Variants in PAPSS1 observed in about 807,000 individuals in gnomAD.
PAPSS1 encodes 3'-phosphoadenosine 5'-phosphosulfate synthase 1.
In PAPSS1, 50 loss-of-function variants were observed where a neutral mutation model predicts 72.0. That is an observed-to-expected ratio of 0.69 (90% CI 0.55 to 0.88). PAPSS1 has a LOEUF of 0.88. Among genes scored for constraint, PAPSS1 ranks in the 40% least tolerant of loss-of-function variants. The pLI is 0.00. For synonymous variants in PAPSS1, 261 were observed against 263.6 expected, an observed-to-expected ratio of 0.99 and a Z score of 0.09; for missense variants, 657 against 782.2, an observed-to-expected ratio of 0.84 and a Z score of 1.91.
At chr4:107,645,962 C>A (rs1381949631) in intron 9 of PAPSS1, among the ~76,000 whole-genome samples, 8 of 152,160 alleles carry the variant, frequency 5.3e-5, no homozygotes, top group Non-Finnish European at 1.2e-4. Flanking sequence ...ACTGTGGCAT[C>A]CTACTTAACT....
At chr4:107,633,415 A>C (rs1430391696) in intron 10 of PAPSS1, among the ~76,000 whole-genome samples, 1 of 152,206 alleles carries the variant, frequency 6.6e-6, no homozygotes, top group Non-Finnish European at 1.5e-5. Flanking sequence ...TGTTTTTCCT[A>C]GAGTTAATGA....
At position 107,709,511 on chromosome 4, in the gene PAPSS1, G is replaced by A. The variant is rs1297490266; in HGVS notation, c.61-8226C>T. Among the ~76,000 whole-genome samples the A allele has an allele frequency of 2.6e-5, 4 of 152,194 alleles. No homozygotes were observed. The East Asian group carries it at 7.7e-4, about 29-fold the overall frequency. On this transcript the variant is annotated intron_variant, in intron 1 of 11. Coordinates refer to ENST00000265174, the MANE Select transcript of PAPSS1 (RefSeq NM_005443.5). The stretch of plus-strand genomic sequence containing the variant: ...CCAGGTTAGGAGATGAGAGGAGCCT[G>A]AATCCTCCCAAGGTGTAAACATAAA...
At chr4:107,698,719 C>T (rs1723134968) in intron 2 of PAPSS1, among the ~76,000 whole-genome samples, 1 of 152,150 alleles carries the variant, frequency 6.6e-6, no homozygotes, top group Admixed American at 6.5e-5. Flanking sequence ...TTAAAAATTT[C>T]AAAGGAACCT....
At chr4:107,641,748 G>A (rs1726550484) in intron 10 of PAPSS1, among the ~76,000 whole-genome samples, 3 of 152,138 alleles carry the variant, frequency 2.0e-5, no homozygotes, top group African/African-American at 4.8e-5. Flanking sequence ...TAGGACACAC[G>A]CTCTGACATG....
chr4:107,687,985 A>T (rs1405879302), intron 3 of PAPSS1, among the ~76,000 whole-genome samples: 1 of 151,978 alleles, frequency 6.6e-6, no homozygotes, highest in African/African-American at 2.4e-5. Flanking sequence ...CAAAAAAAAA[A>T]AAAAAACAAA....
At chr4:107,703,800 T>C (rs572829935) in intron 1 of PAPSS1, among the ~76,000 whole-genome samples, 10 of 152,350 alleles carry the variant, frequency 6.6e-5, no homozygotes, top group South Asian at 4.1e-4. Flanking sequence ...TCCCGCTTTG[T>C]TATCTTTGCT....
chr4:107,705,488 C>T lies in PAPSS1; in HGVS notation c.61-4203G>A, dbSNP rs1412623370. ...CGCCATGATTATAAGTTTCCTGGGG[C>T]GTCCCCAGTCATGCAGAACTGTCAG... On this transcript the variant is annotated intron_variant, in intron 1 of 11. Coordinates refer to ENST00000265174, the MANE Select transcript of PAPSS1 (RefSeq NM_005443.5). Among the ~76,000 whole-genome samples, 6 of 152,304 alleles carry T rather than the reference C, an allele frequency of 3.9e-5. No individual in the cohort carries two copies. The South Asian group carries it at 6.2e-4, about 16-fold the overall frequency.
intron 10 of PAPSS1, among the ~76,000 whole-genome samples, chr4:107,632,386 C>A (rs1446009777): frequency 6.6e-6 from 1 of 151,586 alleles, no homozygotes; most frequent in Non-Finnish European, 1.5e-5. Flanking sequence ...GTATATTATA[C>A]TTTAACAGGT....
At chr4:107,671,842 C>T (rs1242416165) in intron 5 of PAPSS1, among the ~76,000 whole-genome samples, 1 of 152,064 alleles carries the variant, frequency 6.6e-6, no homozygotes, top group Admixed American at 6.6e-5. Flanking sequence ...AAATTGTATT[C>T]TTTTTCATTG....
intron 11 of PAPSS1, among the ~76,000 whole-genome samples, chr4:107,618,618 T>C (rs1725883789): frequency 6.6e-6 from 1 of 151,712 alleles, no homozygotes; most frequent in Admixed American, 6.6e-5. Flanking sequence ...CAGAAATGAT[T>C]TGGTGTTAGA....
chr4:107,704,869 T>C (rs1371023192), intron 1 of PAPSS1, among the ~76,000 whole-genome samples: 1 of 151,884 alleles, frequency 6.6e-6, no homozygotes, highest in Non-Finnish European at 1.5e-5. Context: ...GAGAATTGCT[T>C]GAACCCAGGA....
At chr4:107,674,242 T>C (rs940033171) in intron 5 of PAPSS1, among the ~76,000 whole-genome samples, 3 of 152,052 alleles carry the variant, frequency 2.0e-5, no homozygotes, top group African/African-American at 7.2e-5. Context: ...GACTGGCAAA[T>C]TGGATAAAGA....
At chr4:107,637,180 G>C (rs989306099) in intron 10 of PAPSS1, among the ~76,000 whole-genome samples, 1 of 152,114 alleles carries the variant, frequency 6.6e-6, no homozygotes, top group Admixed American at 6.5e-5. Context: ...TTCAGAGTTA[G>C]AATTGTTCTA....
intron 10 of PAPSS1, among the ~76,000 whole-genome samples, chr4:107,633,171 T>C (rs1389730178): frequency 6.6e-6 from 1 of 152,226 alleles, no homozygotes; most frequent in Non-Finnish European, 1.5e-5. Flanking sequence ...CTTCCTACCA[T>C]ATTCGAGTAT....
At chr4:107,689,985 C>G (rs1722876468) in intron 3 of PAPSS1, among the ~76,000 whole-genome samples, 1 of 152,150 alleles carries the variant, frequency 6.6e-6, no homozygotes, top group African/African-American at 2.4e-5. Context: ...GCTACTCAAG[C>G]CTCAAGAGCC....
intron 2 of PAPSS1, 22 bp from the exon 3 acceptor site, chr4:107,694,028 A>C (rs1264288241): frequency 1.3e-6 from 2 of 1,500,136 alleles, no homozygotes; most frequent in East Asian, 2.3e-5. Context: ...CAGTCCAAAC[A>C]GATTCCATGT....
At chr4:107,674,193 T>G (rs1727576371) in intron 5 of PAPSS1, among the ~76,000 whole-genome samples, 1 of 152,146 alleles carries the variant, frequency 6.6e-6, no homozygotes, top group South Asian at 2.1e-4. Flanking sequence ...ATATTAGCCT[T>G]AAATGTAAAT....
At chr4:107,632,518 A>C (rs1034911399) in intron 10 of PAPSS1, among the ~76,000 whole-genome samples, 1 of 152,114 alleles carries the variant, frequency 6.6e-6, no homozygotes, top group African/African-American at 2.4e-5. Flanking sequence ...AGTTAAAAAA[A>C]AAAAGATTGG....
intron 2 of PAPSS1, among the ~76,000 whole-genome samples, chr4:107,698,522 C>T (rs185525486): frequency 6.6e-6 from 1 of 152,196 alleles, no homozygotes; most frequent in East Asian, 1.9e-4. Flanking sequence ...TTCTTGGATC[C>T]GTGAGGGGAG....
Sources: gnomAD v4.1 joint callset for allele counts (sites outside exome capture counted in the v4.1 genomes callset) on GRCh38, gnomAD v4.1.1 for gene constraint, MANE v1.5 for transcripts, NCBI Gene and HGNC (gene_info 2026-07-23, HGNC 2026-07-21) for gene names.